CAMK2B: variants seen among roughly 807,000 people sequenced by gnomAD.
The protein encoded by CAMK2B is calcium/calmodulin dependent protein kinase II beta.
CAMK2B carries 27 observed loss-of-function variants against 93.7 expected under a neutral mutation model. That is an observed-to-expected ratio of 0.29 (90% CI 0.21 to 0.40). CAMK2B has a LOEUF of 0.40. Ranked by LOEUF, CAMK2B falls within the 10% of genes least tolerant of loss-of-function variation. The pLI, the probability that CAMK2B is intolerant of heterozygous loss-of-function variation, is 1.00. For synonymous variants in CAMK2B, 374 were observed against 358.8 expected (o/e 1.04, Z -0.48); for missense variants, 568 against 895.8 (o/e 0.63, Z 4.67).
intron 16 of CAMK2B, among the ~76,000 whole-genome samples, chr7:44,232,309 C>T (rs2096587068): frequency 6.6e-6 from 1 of 152,138 alleles, no homozygotes; most frequent in Admixed American, 6.5e-5. Context: ...GCTGCTGGCC[C>T]CATCCCTCCC....
At chr7:44,258,111 A>G (rs2129023002) in intron 4 of CAMK2B, among the ~76,000 whole-genome samples, 1 of 152,376 alleles carries the variant, frequency 6.6e-6, no homozygotes, top group African/African-American at 2.4e-5. Flanking sequence ...AAAGTGAGGG[A>G]GATGAGATCA....
At chr7:44,309,295 G>T (rs77676186) in intron 1 of CAMK2B, among the ~76,000 whole-genome samples, 2,411 of 152,330 alleles carry the variant, frequency 0.016, 61 homozygotes, top group African/African-American at 0.055. Context: ...CCCACCTGGG[G>T]CCCAGGCCAT....
chr7:44,243,154 A>G, intron 8 of CAMK2B, 96 bp downstream of exon 8: 1 of 918,942 alleles, frequency 1.1e-6, no homozygotes. Flanking sequence ...CCCAGATGAG[A>G]GCAAGACGTG....
chr7:44,237,982 C>A (rs2096641709), intron 13 of CAMK2B, among the ~76,000 whole-genome samples: 1 of 152,240 alleles, frequency 6.6e-6, no homozygotes, highest in Admixed American at 6.5e-5. Flanking sequence ...CTGAAGCACA[C>A]TCGACAGACG....
chr7:44,234,282 G>A (rs1486564940), intron 15 of CAMK2B, 108 bp downstream of exon 15: 9 of 979,300 alleles, frequency 9.2e-6, no homozygotes, highest in Non-Finnish European at 1.2e-5. Flanking sequence ...TGTCAGACAG[G>A]CCAGGCGGGG....
At chr7:44,278,567 G>T (rs1401564717) in intron 2 of CAMK2B, among the ~76,000 whole-genome samples, 1 of 152,186 alleles carries the variant, frequency 6.6e-6, no homozygotes, top group Non-Finnish European at 1.5e-5. Flanking sequence ...CCCGCATGGG[G>T]GAGGCAGCCC....
chr7:44,263,092 C>T lies in CAMK2B; in HGVS notation c.161-28G>A, dbSNP rs2096893671. The T allele has an allele frequency of 3.1e-6, 5 of 1,609,634 alleles. No homozygotes were observed. The East Asian group carries it at 1.1e-4, about 36-fold the overall frequency. On this transcript the variant is annotated intron_variant, in intron 2 of 23. Transcript: ENST00000395749. ...GGGGGACAGGAAAAACAAGGCGTCA[C>T]CTCCTGCGCCAGCAACTGGTGGCCC...
At position 44,226,286 on chromosome 7, in the gene CAMK2B, C is replaced by T. The variant is rs536324252; in HGVS notation, c.1597+230G>A. On this transcript the variant is annotated intron_variant, in intron 20 of 23. Transcript: ENST00000395749. ...TCGGCAACAAACCTGCTCTTTCGGA[C>T]GCTCTTCCTATACACATATGTCATA... Among the ~76,000 whole-genome samples the T allele has an allele frequency of 1.3e-4, 20 of 152,318 alleles. No homozygotes were observed. The East Asian group carries it at 2.3e-3, about 18-fold the overall frequency.
chr7:44,266,504 T>C (rs1255268789), intron 2 of CAMK2B, among the ~76,000 whole-genome samples: 1 of 152,216 alleles, frequency 6.6e-6, no homozygotes, highest in Non-Finnish European at 1.5e-5. Context: ...CTCGGTCTTA[T>C]TCCCTGCCCC....
chr7:44,284,449 G>A (rs1428471920), intron 1 of CAMK2B, among the ~76,000 whole-genome samples: 1 of 152,384 alleles, frequency 6.6e-6, no homozygotes, highest in East Asian at 1.9e-4. Context: ...CCGGCTTCCC[G>A]ACGGCTGGCA....
At chr7:44,323,135 C>T (rs1395324281) in intron 1 of CAMK2B, among the ~76,000 whole-genome samples, 2 of 152,258 alleles carry the variant, frequency 1.3e-5, no homozygotes, top group Non-Finnish European at 2.9e-5. Context: ...CCCTTCCCTA[C>T]CCAAGAGCCG....
intron 1 of CAMK2B, among the ~76,000 whole-genome samples, 187 bp from the exon 2 acceptor site, chr7:44,284,412 C>G (rs1023925275): frequency 6.6e-6 from 1 of 152,268 alleles, no homozygotes; most frequent in African/African-American, 2.4e-5. Flanking sequence ...TCTCAGCTGG[C>G]CCCACTCAAC....
At chr7:44,277,933 G>A (rs2097064123) in intron 2 of CAMK2B, among the ~76,000 whole-genome samples, 1 of 152,246 alleles carries the variant, frequency 6.6e-6, no homozygotes, top group Admixed American at 6.5e-5. Context: ...GGGAAGGAGA[G>A]AGCCAGACAC....
At chr7:44,263,208 C>T (rs954298371) in intron 2 of CAMK2B, 144 bp from the exon 3 acceptor site, 6 of 681,566 alleles carry the variant, frequency 8.8e-6, no homozygotes, top group Admixed American at 5.8e-5. Context: ...GAACACCCTT[C>T]GTGGCACCCC....
At chr7:44,234,713 G>T (rs1449610177) in intron 13 of CAMK2B, 37 bp from the exon 14 acceptor site, 1 of 1,610,848 alleles carries the variant, frequency 6.2e-7, no homozygotes. Context: ...GGTGAGTGAT[G>T]GGCCTGGGTC....
chr7:44,281,026 C>T (rs183236058), intron 2 of CAMK2B, among the ~76,000 whole-genome samples: 1 of 152,220 alleles, frequency 6.6e-6, no homozygotes, highest in African/African-American at 2.4e-5. Context: ...ATACTCCCCC[C>T]ACCCCCAGAA....
chr7:44,222,057 C>T (rs373905761), intron 20 of CAMK2B, among the ~76,000 whole-genome samples: 21 of 152,182 alleles, frequency 1.4e-4, no homozygotes, highest in African/African-American at 3.9e-4. Flanking sequence ...AGGATATATA[C>T]GCAGGCACGC....
chr7:44,264,883 T>A (rs1457605545), intron 2 of CAMK2B, among the ~76,000 whole-genome samples: 1 of 152,094 alleles, frequency 6.6e-6, no homozygotes, highest in Non-Finnish European at 1.5e-5. Context: ...CCTATCTGCA[T>A]GGAGCTCAAA....
intron 12 of CAMK2B, among the ~76,000 whole-genome samples, chr7:44,240,064 G>A (rs1015636811): frequency 6.6e-6 from 1 of 152,158 alleles, no homozygotes; most frequent in Admixed American, 6.5e-5. Flanking sequence ...GATCACAGAC[G>A]CTCGCACACG....
Sources: allele counts gnomAD v4.1 joint callset (sites outside exome capture counted in the v4.1 genomes callset), GRCh38; gene constraint gnomAD v4.1.1; transcripts MANE v1.5; gene names NCBI Gene and HGNC (gene_info 2026-07-23, HGNC 2026-07-21).